The following PFKFB3 variants were observed in gnomAD, a reference collection of about 807,000 sequenced individuals.
PFKFB3 encodes the protein 6-phosphofructo-2-kinase/fructose-2,6-bisphosphatase 3.
PFKFB3 carries 33 observed loss-of-function variants against 68.0 expected under a neutral mutation model. That is an observed-to-expected ratio of 0.49 (90% CI 0.37 to 0.65). The LOEUF is 0.65. PFKFB3 is among the 30% of genes least tolerant of loss of function. PFKFB3 has a pLI of 0.00. For missense variants in PFKFB3, 586 were observed against 712.2 expected (o/e 0.82, Z 2.02); for synonymous variants, 315 against 288.2 (o/e 1.09, Z -0.94).
Position 6,235,058 on chromosome 10 carries a change from C to G in PFKFB3, c.*2116C>G, listed in dbSNP as rs938578569. The G allele has an allele frequency of 6.6e-6, 1 of 152,634 alleles. No homozygotes were observed. Among genetic ancestry groups the G allele is most frequent in the Non-Finnish European group, 1.5e-5 (1 of 68,010 alleles). The allele number at this position is 152,634 out of a possible 1,614,324, so 9.5% of individuals were successfully genotyped here. ...GTTGGGTTTGAGCTACAGTCATGAA[C>G]TTTTGGCGTCTACTGATTCCTCCAA... On this transcript the variant is annotated 3_prime_UTR_variant, in exon 15 of 15. Coordinates refer to ENST00000379775, the MANE Select transcript of PFKFB3 (RefSeq NM_004566.4).
intron 14 of PFKFB3, among the ~76,000 whole-genome samples, chr10:6,244,974 C>A (rs1404141362): frequency 6.6e-6 from 1 of 152,108 alleles, no homozygotes; most frequent in African/African-American, 2.4e-5. Flanking sequence ...TGAGCTGGGA[C>A]CTTCGAGATC....
the PFKFB3 span, among the ~76,000 whole-genome samples, chr10:6,311,857 C>T: frequency 1.2e-4 from 18 of 152,324 alleles, no homozygotes; most frequent in Non-Finnish European, 2.2e-4. Context: ...GTCAGGCATT[C>T]CCTGAGCTGG....
chr10:6,254,808 C>CT (rs144888417), downstream of PFKFB3, among the ~76,000 whole-genome samples: 36,990 of 61,086 alleles, frequency 0.61, 16,311 homozygotes, highest in Non-Finnish European at 0.71. Context: ...TTTTTCTGTT[C>CT]TTTTTTTTTT....
the PFKFB3 span, among the ~76,000 whole-genome samples, chr10:6,298,372 C>CTTTTTT: frequency 2.1e-5 from 3 of 139,666 alleles, no homozygotes; most frequent in African/African-American, 2.6e-5. Flanking sequence ...GTTCAGGGCA[C>CTTTTTT]TTTTTTTTTT....
At chr10:6,157,384 G>A (rs1023291924) in intron 1 of PFKFB3, among the ~76,000 whole-genome samples, 3 of 151,990 alleles carry the variant, frequency 2.0e-5, no homozygotes, top group Non-Finnish European at 2.9e-5. Flanking sequence ...CCGCCGCCCC[G>A]CCCAGCTAAT....
chr10:6,291,794 A>G, the PFKFB3 span, among the ~76,000 whole-genome samples: 1 of 152,110 alleles, frequency 6.6e-6, no homozygotes, highest in Non-Finnish European at 1.5e-5. Context: ...GGCAGCAGTA[A>G]TTCTATTTCA....
intron 1 of PFKFB3, among the ~76,000 whole-genome samples, chr10:6,192,719 A>T: frequency 8.7e-6 from 1 of 115,462 alleles, no homozygotes; most frequent in African/African-American, 3.4e-5. Context: ...GTGTTGGGGG[A>T]TGTCACTGAT....
At chr10:6,302,997 C>T in the PFKFB3 span, among the ~76,000 whole-genome samples, 7 of 152,134 alleles carry the variant, frequency 4.6e-5, no homozygotes, top group South Asian at 4.1e-4. Flanking sequence ...AACACAGGAG[C>T]GGAGCAGAGA....
the PFKFB3 span, among the ~76,000 whole-genome samples, chr10:6,297,294 G>C: frequency 6.6e-6 from 1 of 152,214 alleles, no homozygotes; most frequent in Non-Finnish European, 1.5e-5. Context: ...GCAATTGTGT[G>C]TAGGTTCCTG....
chr10:6,198,931 T>G (rs1692111280), upstream of PFKFB3, among the ~76,000 whole-genome samples: 1 of 152,254 alleles, frequency 6.6e-6, no homozygotes, highest in South Asian at 2.1e-4. Context: ...AAAGCTGGTA[T>G]AAACATCTAT....
chr10:6,223,684 T>C lies in PFKFB3; in HGVS notation c.1214-274T>C, dbSNP rs113311227. 6.3e-3 allele frequency among the ~76,000 whole-genome samples: 959 copies of C among 152,310 alleles called. 7 individuals carry two copies. Among genetic ancestry groups the C allele is most frequent in the African/African-American group, 0.022 (922 of 41,574 alleles). On this transcript the variant is annotated intron_variant, in intron 11 of 14. Transcript: ENST00000379775. ...CTTGCGCAGGCTGCAGTGCAATGCA[T>C]GCACTCACTGCAACCTCCACCTCCC...
chr10:6,216,895 T>C (rs765522202), intron 5 of PFKFB3, 115 bp downstream of exon 5: 16 of 859,382 alleles, frequency 1.9e-5, no homozygotes, highest in Non-Finnish European at 2.9e-5. Context: ...TCCTTAGTCC[T>C]GCTCGGTCCC....
At chr10:6,324,603 T>C in the PFKFB3 span, among the ~76,000 whole-genome samples, 2 of 152,224 alleles carry the variant, frequency 1.3e-5, no homozygotes, top group South Asian at 4.2e-4. Context: ...ATACTTTTTG[T>C]ATTTTTAGTG....
At chr10:6,199,546 G>A (rs751580527), upstream of PFKFB3, among the ~76,000 whole-genome samples, 5 of 150,326 alleles carry the variant, frequency 3.3e-5, no homozygotes, top group Non-Finnish European at 7.4e-5. Flanking sequence ...GTGCAATGGT[G>A]CAATCACAGC....
At chr10:6,170,389 C>A (rs911056326) in intron 1 of PFKFB3, among the ~76,000 whole-genome samples, 2 of 151,938 alleles carry the variant, frequency 1.3e-5, no homozygotes, top group Non-Finnish European at 2.9e-5. Flanking sequence ...CTTTCTTGTT[C>A]CTCTAAGAAA....
At chr10:6,240,614 C>T (rs1382456380) in intron 14 of PFKFB3, among the ~76,000 whole-genome samples, 1 of 152,036 alleles carries the variant, frequency 6.6e-6, no homozygotes, top group Non-Finnish European at 1.5e-5. Flanking sequence ...ACAGAGAGTT[C>T]CTGTCTATGT....
chr10:6,203,104 A>G lies in PFKFB3; in HGVS notation c.-157A>G. ...CCGCACAGGCGAGGGTCCGGAACTT[A>G]GCCCAAAGCACGTTTCCCCTGGCAG... On this transcript the variant is annotated 5_prime_UTR_variant, in exon 1 of 15. Coordinates refer to ENST00000379775, the MANE Select transcript of PFKFB3 (RefSeq NM_004566.4). 3 of 1,463,632 alleles carry G rather than the reference A, an allele frequency of 2.0e-6. No individual in the cohort carries two copies. Among genetic ancestry groups the G allele is most frequent in the East Asian group, 5.2e-5 (2 of 38,500 alleles). The allele number at this position is 1,463,632 out of a possible 1,614,324, so 90.7% of individuals were successfully genotyped here.
intron 1 of PFKFB3, among the ~76,000 whole-genome samples, chr10:6,147,922 G>C (rs531136849): frequency 5.3e-5 from 8 of 152,162 alleles, no homozygotes; most frequent in Non-Finnish European, 1.0e-4. Context: ...GGGTCTTCAG[G>C]GTACAACAGA....
chr10:6,261,768 G>A, the PFKFB3 span, among the ~76,000 whole-genome samples: 1 of 152,150 alleles, frequency 6.6e-6, no homozygotes, highest in Non-Finnish European at 1.5e-5. Flanking sequence ...GCCGAGGCAG[G>A]CAGATCACTT....
Sources: gnomAD v4.1 joint callset for allele counts (sites outside exome capture counted in the v4.1 genomes callset) on GRCh38, gnomAD v4.1.1 for gene constraint, MANE v1.5 for transcripts, NCBI Gene and HGNC (gene_info 2026-07-23, HGNC 2026-07-21) for gene names.